Variants in TMEM217B observed in about 807,000 individuals in gnomAD.
TMEM217B encodes the protein transmembrane protein 217B, also known as putative transmembrane protein 217B.
chr6:37,224,667 G>C, the TMEM217B span, among the ~76,000 whole-genome samples: 10 of 151,830 alleles, frequency 6.6e-5, no homozygotes, highest in African/African-American at 2.4e-4. Context: ...TGTTACCCAG[G>C]CTGGTCTCAA....
the TMEM217B span, among the ~76,000 whole-genome samples, chr6:37,249,244 A>G: frequency 6.6e-6 from 1 of 152,214 alleles, no homozygotes; most frequent in Non-Finnish European, 1.5e-5. Flanking sequence ...GTAGATTTTG[A>G]ATTTGTGCCA....
chr6:37,216,375 G>A, the TMEM217B span, among the ~76,000 whole-genome samples: 2 of 152,158 alleles, frequency 1.3e-5, no homozygotes, highest in East Asian at 1.9e-4. Context: ...CCCTGCGCCT[G>A]GCCCGATTTG....
At chr6:37,218,185 T>TTTTG in the TMEM217B span, 2 of 1,121,888 alleles carry the variant, frequency 1.8e-6, no homozygotes, top group East Asian at 4.3e-5. Flanking sequence ...TTTTTTTTTT[T>TTTTG]GGGGGACAGA....
chr6:37,225,130 G>A, the TMEM217B span, among the ~76,000 whole-genome samples: 1 of 152,014 alleles, frequency 6.6e-6, no homozygotes, highest in African/African-American at 2.4e-5. Flanking sequence ...AGCCTGGGAG[G>A]CAGAGGTTGC....
At chr6:37,224,455 G>A in the TMEM217B span, among the ~76,000 whole-genome samples, 6 of 151,190 alleles carry the variant, frequency 4.0e-5, no homozygotes, top group Non-Finnish European at 8.8e-5. Context: ...AAAATTAGCC[G>A]GGCGTGGTGG....
the TMEM217B span, among the ~76,000 whole-genome samples, chr6:37,233,222 CA>C: frequency 6.6e-6 from 1 of 152,102 alleles, no homozygotes; most frequent in Non-Finnish European, 1.5e-5. Flanking sequence ...CCCATTTCCC[CA>C]TGTACCTTCC....
the TMEM217B span, among the ~76,000 whole-genome samples, chr6:37,250,695 G>A: frequency 0.033 from 5,078 of 152,298 alleles, 258 homozygotes; most frequent in African/African-American, 0.11. Flanking sequence ...TCAGGCGTGC[G>A]TGTGCACGCA....
chr6:37,256,359 C>T, the TMEM217B span, among the ~76,000 whole-genome samples: 1 of 152,322 alleles, frequency 6.6e-6, no homozygotes, highest in African/African-American at 2.4e-5. Flanking sequence ...AAAGACAAAA[C>T]ATCAGCCTTA....
chr6:37,250,948 G>A, the TMEM217B span, among the ~76,000 whole-genome samples: 856 of 152,248 alleles, frequency 5.6e-3, 7 homozygotes, highest in African/African-American at 0.019. Context: ...ATGGTATTAC[G>A]CGGTAAGGTA....
At chr6:37,241,529 A>C in the TMEM217B span, among the ~76,000 whole-genome samples, 1 of 152,152 alleles carries the variant, frequency 6.6e-6, no homozygotes, top group Non-Finnish European at 1.5e-5. Context: ...AGGTGCTGGC[A>C]GGATCCAAGG....
At chr6:37,221,047 A>C in the TMEM217B span, among the ~76,000 whole-genome samples, 1 of 152,128 alleles carries the variant, frequency 6.6e-6, no homozygotes, top group Non-Finnish European at 1.5e-5. Flanking sequence ...CAATCTCTAG[A>C]ACTTTTTCAT....
the TMEM217B span, among the ~76,000 whole-genome samples, chr6:37,214,694 G>C: frequency 1.3e-5 from 2 of 152,052 alleles, no homozygotes; most frequent in Admixed American, 6.5e-5. Context: ...TTTGTCCTTC[G>C]GTATCTGGCT....
chr6:37,238,187 A>G, the TMEM217B span, among the ~76,000 whole-genome samples: 66 of 151,622 alleles, frequency 4.4e-4, no homozygotes, highest in East Asian at 0.011. Context: ...AACCAAGGAT[A>G]GTAACATTTA....
the TMEM217B span, among the ~76,000 whole-genome samples, chr6:37,246,817 T>C: frequency 1.3e-5 from 2 of 151,702 alleles, no homozygotes; most frequent in East Asian, 3.9e-4. Context: ...GTGGAAGGAC[T>C]GCTTGAGCAT....
At chr6:37,231,066 T>C in the TMEM217B span, among the ~76,000 whole-genome samples, 1 of 151,830 alleles carries the variant, frequency 6.6e-6, no homozygotes, top group Non-Finnish European at 1.5e-5. Flanking sequence ...TTAATTTTTA[T>C]TTATTTTCTT....
chr6:37,257,976 G>A, the TMEM217B span: 1 of 1,614,066 alleles, frequency 6.2e-7, no homozygotes. Context: ...CCGGGGAGGT[G>A]AGCCCAGGAC....
the TMEM217B span, among the ~76,000 whole-genome samples, chr6:37,254,617 A>G: frequency 6.6e-6 from 1 of 152,362 alleles, no homozygotes; most frequent in South Asian, 2.1e-4. Flanking sequence ...CATCTTTCCT[A>G]ACATAAAAAT....
At chr6:37,256,660 G>T in the TMEM217B span, among the ~76,000 whole-genome samples, 1 of 150,934 alleles carries the variant, frequency 6.6e-6, no homozygotes, top group Non-Finnish European at 1.5e-5. Flanking sequence ...TATAAAAGAA[G>T]GTCCTTCTTT....
At chr6:37,229,152 G>A in the TMEM217B span, among the ~76,000 whole-genome samples, 1 of 152,016 alleles carries the variant, frequency 6.6e-6, no homozygotes, top group Non-Finnish European at 1.5e-5. Flanking sequence ...GTTTCAAGAG[G>A]GAGGTGTATT....
Sources: gnomAD v4.1 joint callset for allele counts (sites outside exome capture counted in the v4.1 genomes callset) on GRCh38, gnomAD v4.1.1 for gene constraint, MANE v1.5 for transcripts, NCBI Gene and HGNC (gene_info 2026-07-23, HGNC 2026-07-21) for gene names.